C4orf36: variants seen among roughly 807,000 people sequenced by gnomAD.
C4orf36 encodes the protein uncharacterized protein C4orf36.
In C4orf36, 11 loss-of-function variants were observed where a neutral mutation model predicts 12.2. That is an observed-to-expected ratio of 0.90 (90% CI 0.57 to 1.49). The LOEUF (loss-of-function observed/expected upper bound fraction) is 1.49. C4orf36 is among the 40% of genes most tolerant of loss of function. The probability of loss-of-function intolerance (pLI) is 0.00; values close to 1 mark genes in which losing one functional copy is unlikely to be tolerated. For missense variants in C4orf36, 137 were observed against 133.9 expected, an observed-to-expected ratio of 1.02 and a Z score of -0.11; for synonymous variants, 54 against 51.3, an observed-to-expected ratio of 1.05 and a Z score of -0.22.
intron 4 of C4orf36, 187 bp from the exon 5 acceptor site, chr4:86,876,630 A>G (rs997037194): frequency 6.2e-7 from 1 of 1,613,754 alleles, no homozygotes; most frequent in African/African-American, 1.3e-5. Context: ...GAACCAGAAG[A>G]AAATTTCTGG....
At chr4:86,909,893 TAAA>T in the C4orf36 span, among the ~76,000 whole-genome samples, 2 of 73,292 alleles carry the variant, frequency 2.7e-5, no homozygotes, top group African/African-American at 9.8e-5. Context: ...GAGGAAGACT[TAAA>T]AAAAAAAAAA....
Position 86,892,380 on chromosome 4 carries a change from G to A in C4orf36, c.-271C>T. On this transcript the variant is annotated 5_prime_UTR_variant, in exon 1 of 5. Coordinates refer to ENST00000295898, the MANE Select transcript of C4orf36 (RefSeq NM_144645.4). ...CGCGCACACGCCTCGGGGCCGCGCC[G>A]CAGGCACACGCCTCCTTCCCGCTCG... 4.1e-6 allele frequency: 4 copies of A among 985,482 alleles called. No individual in the cohort carries two copies. The highest frequency in any genetic ancestry group is 4.8e-6 in the Non-Finnish European group (4 of 829,972). 61.0% of individuals were successfully genotyped at this position (985,482 alleles called of 1,614,324 possible). A position where few individuals can be genotyped will look rare whatever the true frequency, so the allele number is the denominator to read the frequency against.
chr4:86,918,541 G>A, the C4orf36 span, among the ~76,000 whole-genome samples: 3 of 152,272 alleles, frequency 2.0e-5, no homozygotes, highest in East Asian at 3.9e-4. Flanking sequence ...ATACAACTAT[G>A]TGTCTAGTCC....
chr4:86,914,386 TCTTC>T, the C4orf36 span: 1 of 915,666 alleles, frequency 1.1e-6, no homozygotes, highest in South Asian at 1.6e-5. Flanking sequence ...CCGTTCTTCT[TCTTC>T]CTTTTTTTTT....
chr4:86,878,584 T>C (rs1025698167), intron 4 of C4orf36, among the ~76,000 whole-genome samples: 7 of 152,218 alleles, frequency 4.6e-5, no homozygotes, highest in African/African-American at 1.7e-4. Flanking sequence ...GCATTTTACC[T>C]GCCCTAGCCA....
At chr4:86,911,027 G>A in the C4orf36 span, among the ~76,000 whole-genome samples, 1 of 152,204 alleles carries the variant, frequency 6.6e-6, no homozygotes, top group Admixed American at 6.5e-5. Context: ...AAGTTGTAGT[G>A]GGCCAAGATC....
At chr4:86,906,115 A>G in the C4orf36 span, among the ~76,000 whole-genome samples, 1 of 152,160 alleles carries the variant, frequency 6.6e-6, no homozygotes, top group South Asian at 2.1e-4. Flanking sequence ...TGACTACCTC[A>G]GAGGGCATAA....
rs928068193 is a variant in C4orf36 at position 86,876,719 on chromosome 4, A to G, written c.*3-276T>C. The G allele has an allele frequency of 3.2e-6, 5 of 1,562,442 alleles. No individual in the cohort carries two copies. In the Admixed American group the frequency reaches 5.7e-5, roughly 18 times the overall value. ...CTATGGGTGATCTTTACTATTCAGAATTTAGGAAAGTTCTCTGGCTGTTGC... is the reference window on the plus strand; with the variant it reads ...CTATGGGTGATCTTTACTATTCAGAGTTTAGGAAAGTTCTCTGGCTGTTGC... On this transcript the variant is annotated intron_variant, in intron 4 of 4. Coordinates refer to ENST00000295898, the MANE Select transcript of C4orf36 (RefSeq NM_144645.4).
chr4:86,919,315 C>CTTTTTT, the C4orf36 span, among the ~76,000 whole-genome samples: 35 of 81,392 alleles, frequency 4.3e-4, no homozygotes, highest in African/African-American at 7.7e-4. Flanking sequence ...TTTTTTCCCC[C>CTTTTTT]TTTTTTTTTT....
chr4:86,878,556 T>C (rs768401194), intron 4 of C4orf36, among the ~76,000 whole-genome samples: 13 of 152,162 alleles, frequency 8.5e-5, no homozygotes, highest in Non-Finnish European at 1.5e-5. Context: ...TGCATTGAAA[T>C]GGGTAGGAAA....
intron 4 of C4orf36, chr4:86,886,619 G>T (rs1747184084): frequency 6.6e-6 from 1 of 152,204 alleles, no homozygotes; most frequent in Admixed American, 6.5e-5. Flanking sequence ...AACAACAGGT[G>T]CTGGGGAGGA....
chr4:86,923,536 TCA>T, the C4orf36 span, among the ~76,000 whole-genome samples: 1 of 152,148 alleles, frequency 6.6e-6, no homozygotes, highest in Admixed American at 6.5e-5. Context: ...GGCGGGTGGA[TCA>T]CCTGAGGTCG....
chr4:86,889,095 A>G (rs1747290748), intron 2 of C4orf36, among the ~76,000 whole-genome samples: 1 of 152,228 alleles, frequency 6.6e-6, no homozygotes, highest in African/African-American at 2.4e-5. Flanking sequence ...CACGCCTGTA[A>G]TCCCAACACT....
chr4:86,894,726 G>T (rs1246340753), upstream of C4orf36, among the ~76,000 whole-genome samples: 1 of 152,172 alleles, frequency 6.6e-6, no homozygotes, highest in East Asian at 1.9e-4. Context: ...AAAAGGTATT[G>T]TGGCTTCCTT....
chr4:86,930,380 A>G, the C4orf36 span, among the ~76,000 whole-genome samples: 4 of 152,258 alleles, frequency 2.6e-5, no homozygotes, highest in Non-Finnish European at 4.4e-5. Context: ...GCCTTCAGCC[A>G]TGGAAGAGCT....
the C4orf36 span, among the ~76,000 whole-genome samples, chr4:86,911,448 G>A: frequency 0.41 from 62,029 of 152,080 alleles, 15,250 homozygotes; most frequent in South Asian, 0.58. Flanking sequence ...ACATAAAAGG[G>A]CTGCATCTTA....
chr4:86,900,663 T>C, the C4orf36 span, among the ~76,000 whole-genome samples: 71 of 151,874 alleles, frequency 4.7e-4, no homozygotes, highest in African/African-American at 1.6e-3. Context: ...GGTTTTGGAA[T>C]CTAAAGCTGG....
At chr4:86,891,682 T>C in intron 1 of C4orf36, 89 bp from the exon 2 acceptor site, 2 of 1,251,610 alleles carry the variant, frequency 1.6e-6, no homozygotes, top group Non-Finnish European at 1.1e-6. Flanking sequence ...TGTCAGAAAG[T>C]CCTTAATAAG....
the C4orf36 span, among the ~76,000 whole-genome samples, chr4:86,903,269 T>A: frequency 2.0e-5 from 3 of 152,202 alleles, no homozygotes; most frequent in African/African-American, 7.2e-5. Flanking sequence ...CCTAGCACTT[T>A]GGGAGGCCGA....
Sources: gnomAD v4.1 joint callset for allele counts (sites outside exome capture counted in the v4.1 genomes callset) on GRCh38, gnomAD v4.1.1 for gene constraint, MANE v1.5 for transcripts, NCBI Gene and HGNC (gene_info 2026-07-23, HGNC 2026-07-21) for gene names.